ZNF611: variants seen among roughly 807,000 people sequenced by gnomAD.
The protein encoded by ZNF611 is zinc finger protein 611.
ZNF611 carries 6 observed loss-of-function variants against 8.9 expected under a neutral mutation model. That is an observed-to-expected ratio of 0.68 (90% CI 0.37 to 1.34). The LOEUF is 1.34. Among genes scored for constraint, ZNF611 ranks in the 40% most tolerant of loss-of-function variants. The pLI, the probability that ZNF611 is intolerant of heterozygous loss-of-function variation, is 0.02. For missense variants in ZNF611, 874 were observed against 841.3 expected (o/e 1.04, Z -0.48); for synonymous variants, 262 against 279.7 (o/e 0.94, Z 0.63).
chr19:52,721,459 A>C (rs2062359052), intron 3 of ZNF611, among the ~76,000 whole-genome samples: 1 of 152,200 alleles, frequency 6.6e-6, no homozygotes, highest in Non-Finnish European at 1.5e-5. Context: ...CGGGCAAATC[A>C]CTGGAGGTCA....
At chr19:52,709,872 T>C (rs1024254667) in intron 5 of ZNF611, among the ~76,000 whole-genome samples, 3 of 152,184 alleles carry the variant, frequency 2.0e-5, no homozygotes, top group African/African-American at 7.2e-5. Context: ...CGGCAAAGAC[T>C]AGTGCTTTTA....
At chr19:52,723,075 C>T (rs907589288) in intron 3 of ZNF611, among the ~76,000 whole-genome samples, 13 of 151,124 alleles carry the variant, frequency 8.6e-5, no homozygotes, top group African/African-American at 2.9e-4. Flanking sequence ...TGCTTCCCTC[C>T]CTAATTCTGT....
Position 52,714,021 on chromosome 19 carries a change from C to A in ZNF611, c.184G>T (p.Ala62Ser), listed in dbSNP as rs1415566663. The A allele has an allele frequency of 3.1e-6, 5 of 1,614,130 alleles. No individual in the cohort carries two copies. The Admixed American group carries it at 6.7e-5, about 22-fold the overall frequency. The change falls in exon 5 of 6, where the codon GCT (alanine) becomes TCT (serine). Residue 62 changes from alanine (A) to serine (S), a missense_variant. Ala to Ser is a moderately conservative substitution (Grantham distance 99). Coordinates refer to ENST00000652185, the MANE Select transcript of ZNF611 (RefSeq NM_001161499.2). ...VMLENYRNLE[A>S]VDISSKCMMK... ...GCAGGGACATTTTCCTCACCCACAGCCTCCAGGTTCCTGTAGTTCTCCAAC... is the reference window on the plus strand; with the variant it reads ...GCAGGGACATTTTCCTCACCCACAGACTCCAGGTTCCTGTAGTTCTCCAAC...
chr19:52,707,956 G>T (rs2062256110), intron 5 of ZNF611, among the ~76,000 whole-genome samples: 1 of 152,032 alleles, frequency 6.6e-6, no homozygotes, highest in South Asian at 2.1e-4. Context: ...AACGAATAGT[G>T]CATGTCAGTT....
chr19:52,719,532 T>C (rs1012564442), intron 3 of ZNF611, among the ~76,000 whole-genome samples: 1 of 152,188 alleles, frequency 6.6e-6, no homozygotes, highest in Admixed American at 6.5e-5. Flanking sequence ...TTTAAACTAA[T>C]TTTAAATTTG....
intron 1 of ZNF611, among the ~76,000 whole-genome samples, chr19:52,734,540 G>GA (rs1419784246): frequency 1.2e-5 from 1 of 83,500 alleles, no homozygotes; most frequent in South Asian, 3.9e-4. Flanking sequence ...GCGGGGCGGG[G>GA]GGGGGGGGCG....
In ZNF611 at chr19:52,706,685, C is replaced by A. The variant is rs1194723981; in HGVS notation, c.370G>T (p.Gly124Cys). 1.9e-6 allele frequency: 3 copies of A among 1,614,018 alleles called. No homozygotes were observed. ...ATTTTTGTCATGGGTGCTTCAAGGC[C>A]ATTTCTTTCATCTTCTTGACACTGA... ...EFQCQEDERNGLEAPMTKIKK... is the reference protein window; with the variant it reads ...EFQCQEDERNCLEAPMTKIKK... Residue 124 changes from glycine to cysteine, a missense_variant, in exon 6 of 6, where the codon GGC becomes TGC. Transcript: ENST00000652185.
rs775867636 is a variant in ZNF611, at chr19:52,705,354, C to A, written c.1701G>T (p.Lys567Asn). The change falls in exon 6 of 6, where the codon AAG (lysine) becomes AAT (asparagine). Residue 567 changes from lysine to asparagine, a missense_variant. Coordinates refer to ENST00000652185, the MANE Select transcript of ZNF611 (RefSeq NM_001161499.2). ...TRIHSGEKPYKCNECSKTFSH... is the reference protein window; with the variant it reads ...TRIHSGEKPYNCNECSKTFSH... ...TGAAGGTCTTGCTGCACTCATTACACTTGTAAGGTTTCTCTCCACTATGAA... is the reference window on the plus strand; with the variant it reads ...TGAAGGTCTTGCTGCACTCATTACAATTGTAAGGTTTCTCTCCACTATGAA... 2.5e-6 allele frequency: 4 copies of A among 1,613,646 alleles called. No homozygotes were observed. In the African/African-American group the frequency reaches 5.3e-5, roughly 22 times the overall value.
intron 3 of ZNF611, among the ~76,000 whole-genome samples, chr19:52,720,154 T>C (rs1384722608): frequency 6.6e-6 from 1 of 152,232 alleles, no homozygotes; most frequent in Non-Finnish European, 1.5e-5. Flanking sequence ...AAATAGAGTC[T>C]CCTATGTCTA....
At chr19:52,713,786 G>C (rs904427028) in intron 5 of ZNF611, among the ~76,000 whole-genome samples, 17 of 152,106 alleles carry the variant, frequency 1.1e-4, no homozygotes, top group Non-Finnish European at 2.1e-4. Flanking sequence ...AGCTACTCAG[G>C]AGGCTGAGGC....
intron 3 of ZNF611, among the ~76,000 whole-genome samples, chr19:52,726,308 G>A (rs2062392850): frequency 6.6e-6 from 1 of 152,162 alleles, no homozygotes; most frequent in Non-Finnish European, 1.5e-5. Flanking sequence ...GCAGCGGCGG[G>A]AGAATCGCTG....
Position 52,704,992 on chromosome 19 carries a change from T to C in ZNF611, c.2063A>G (p.Asn688Ser), listed in dbSNP as rs775362207. The change falls in exon 6 of 6, where the codon AAT becomes AGT. Residue 688 changes from asparagine (N) to serine (S), a missense_variant. Physicochemically the swap from Asn to Ser is conservative, Grantham distance 46. Coordinates refer to ENST00000652185, the MANE Select transcript of ZNF611 (RefSeq NM_001161499.2). ...YKCNECGKAF[N>S]QQSHLSRHHR... ...ATGACGTGAAAGGTGTGATTGTTGATTAAAAGCCTTCCCACATTCATTACA... is the reference window on the plus strand; with the variant it reads ...ATGACGTGAAAGGTGTGATTGTTGACTAAAAGCCTTCCCACATTCATTACA... 11 of 1,614,040 alleles carry C rather than the reference T, an allele frequency of 6.8e-6. No individual in the cohort carries two copies. The highest frequency in any genetic ancestry group is 7.6e-6 in the Non-Finnish European group (9 of 1,180,044).
intron 4 of ZNF611, among the ~76,000 whole-genome samples, 175 bp downstream of exon 4, chr19:52,715,657 G>A (rs1296667757): frequency 6.6e-6 from 1 of 152,110 alleles, no homozygotes; most frequent in Non-Finnish European, 1.5e-5. Context: ...TCATGTCACT[G>A]GGTCACAGGA....
intron 5 of ZNF611, among the ~76,000 whole-genome samples, chr19:52,712,681 G>A (rs530455647): frequency 6.6e-6 from 1 of 151,682 alleles, no homozygotes; most frequent in South Asian, 2.1e-4. Context: ...TAGACATATG[G>A]TTTTGCCACA....
At chr19:52,711,829 G>C (rs928124530) in intron 5 of ZNF611, among the ~76,000 whole-genome samples, 2 of 152,076 alleles carry the variant, frequency 1.3e-5, no homozygotes, top group East Asian at 1.9e-4. Context: ...AAGTCAATAG[G>C]CTGGTATTTG....
chr19:52,724,816 T>C (rs985812323), intron 3 of ZNF611, among the ~76,000 whole-genome samples: 7 of 152,152 alleles, frequency 4.6e-5, no homozygotes, highest in African/African-American at 1.4e-4. Flanking sequence ...TCCCTCACTC[T>C]GGTGAGCCTC....
intron 5 of ZNF611, among the ~76,000 whole-genome samples, chr19:52,709,562 G>A (rs1341194867): frequency 6.6e-6 from 1 of 151,702 alleles, no homozygotes; most frequent in African/African-American, 2.4e-5. Context: ...GAGCCACCAT[G>A]CCCGGACTCT....
At chr19:52,725,390 G>A (rs1017640453) in intron 3 of ZNF611, among the ~76,000 whole-genome samples, 28 of 152,228 alleles carry the variant, frequency 1.8e-4, no homozygotes, top group African/African-American at 6.3e-4. Context: ...GCCGACGGGG[G>A]CTGGGAGGCG....
At chr19:52,712,637 G>GAA (rs56301635) in intron 5 of ZNF611, among the ~76,000 whole-genome samples, 66 of 138,582 alleles carry the variant, frequency 4.8e-4, no homozygotes, top group Admixed American at 1.5e-3. Flanking sequence ...TACTCCGTCT[G>GAA]AAAAAAAAAA....
Sources: gnomAD v4.1 joint callset for allele counts (sites outside exome capture counted in the v4.1 genomes callset) on GRCh38, gnomAD v4.1.1 for gene constraint, MANE v1.5 for transcripts, NCBI Gene and HGNC (gene_info 2026-07-23, HGNC 2026-07-21) for gene names.